Variants in ANP32E observed in about 807,000 individuals in gnomAD.
ANP32E encodes acidic leucine-rich nuclear phosphoprotein 32 family member E.
In ANP32E, 14 loss-of-function variants were observed where a neutral mutation model predicts 35.3. The ratio of observed to expected loss-of-function variants is 0.40; its 90% CI spans 0.26 to 0.62. The LOEUF is 0.62. Among genes scored for constraint, ANP32E ranks in the 20% least tolerant of loss-of-function variants. ANP32E has a pLI of 0.45. For synonymous variants in ANP32E, 89 were observed against 110.4 expected, an observed-to-expected ratio of 0.81 and a Z score of 1.22; for missense variants, 198 against 304.4, an observed-to-expected ratio of 0.65 and a Z score of 2.60.
intron 5 of ANP32E, among the ~76,000 whole-genome samples, chr1:150,226,303 G>C (rs1473593741): frequency 3.9e-5 from 6 of 152,068 alleles, no homozygotes; most frequent in African/African-American, 1.4e-4. Flanking sequence ...CACCATGCCC[G>C]GCCTAATCTG....
intron 2 of ANP32E, 52 bp from the exon 3 acceptor site, chr1:150,230,745 A>AATT: frequency 2.1e-6 from 3 of 1,404,704 alleles, no homozygotes; most frequent in Admixed American, 2.8e-5. Flanking sequence ...ATCATATCAA[A>AATT]CTTTTTTTTT....
Position 150,220,551 on chromosome 1 carries a change from CA to C in ANP32E, c.*139del. ...CTAGTTCTTATTTGGAATGATAAGG[CA>C]AAAATAGTAAAACCACACTTTTCCT... On this transcript the variant is annotated 3_prime_UTR_variant, in exon 7 of 7. Coordinates refer to ENST00000583931, the MANE Select transcript of ANP32E (RefSeq NM_030920.5). 2.5e-6 allele frequency: 2 copies of C among 805,826 alleles called. No individual in the cohort carries two copies. Among genetic ancestry groups the C allele is most frequent in the Non-Finnish European group, 2.0e-6 (1 of 504,340 alleles). The allele number at this position is 805,826 out of a possible 1,614,324, so 49.9% of individuals were successfully genotyped here.
chr1:150,223,104 G>A, intron 6 of ANP32E, 82 bp downstream of exon 6: 2 of 1,410,276 alleles, frequency 1.4e-6, no homozygotes, highest in Non-Finnish European at 9.6e-7. Context: ...ATTCTTTAAA[G>A]TGTATGAAAT....
chr1:150,235,441 A>G lies in ANP32E; in HGVS notation c.54+292T>C, dbSNP rs1471751003. Among the ~76,000 whole-genome samples the G allele has an allele frequency of 6.6e-6, 1 of 152,088 alleles. No homozygotes were observed. Among genetic ancestry groups the G allele is most frequent in the Non-Finnish European group, 1.5e-5 (1 of 67,978 alleles). On this transcript the variant is annotated intron_variant, in intron 1 of 6. Transcript: ENST00000583931. This position sits in a 1 kb window ranked among gnomAD's most constrained non-coding sequence, Gnocchi z 4.2. ...GGGAGCGAAGCGGCGGAGCGCCCCC[A>G]CCAGCCCGCTTCCCGCCCCCACGAG...
In ANP32E at chr1:150,232,473, T is replaced by TTTC. The variant is rs1560005633; in HGVS notation, c.55-548_55-547insGAA. ...TAAGTAATCTTTTAAATTTCTTTTT[T>TTTC]CTTTTTTTTTTTTTGTAGATGGAGT... is the stretch of plus-strand genomic sequence containing the variant. On this transcript the variant is annotated intron_variant, in intron 1 of 6. Coordinates refer to ENST00000583931, the MANE Select transcript of ANP32E (RefSeq NM_030920.5). Among the ~76,000 whole-genome samples, 7 of 17,148 alleles carry TTTC rather than the reference T, an allele frequency of 4.1e-4. 2 individuals carry two copies. The Admixed American group carries it at 9.3e-3, about 23-fold the overall frequency. The allele number at this position is 17,148 out of a possible 152,430, so 11.2% of individuals were successfully genotyped here.
intron 4 of ANP32E, 113 bp downstream of exon 4, chr1:150,228,959 T>A: frequency 1.1e-6 from 1 of 881,382 alleles, no homozygotes; most frequent in Admixed American, 2.6e-5. Flanking sequence ...GTCTTACTAA[T>A]ATCTTGTTGT....
At chr1:150,228,255 C>G (rs1649042000) in intron 4 of ANP32E, among the ~76,000 whole-genome samples, 1 of 151,992 alleles carries the variant, frequency 6.6e-6, no homozygotes, top group African/African-American at 2.4e-5. Context: ...TAAATGAAGT[C>G]AAACAACACA....
chr1:150,231,607 T>G (rs1649354015), intron 2 of ANP32E, among the ~76,000 whole-genome samples, 170 bp downstream of exon 2: 1 of 152,162 alleles, frequency 6.6e-6, no homozygotes, highest in Non-Finnish European at 1.5e-5. Flanking sequence ...ATAAATAAAT[T>G]TATAAAAGCA....
In ANP32E at chr1:150,235,968, G is replaced by A. The variant is rs1176754980; in HGVS notation, c.-182C>T. 6 of 598,148 alleles carry A rather than the reference G, an allele frequency of 1.0e-5. No individual in the cohort carries two copies. In the South Asian group the frequency reaches 1.2e-4, roughly 12 times the overall value. 37.1% of individuals were successfully genotyped at this position (598,148 alleles called of 1,614,324 possible). A position where few individuals can be genotyped will look rare whatever the true frequency, so the allele number is the denominator to read the frequency against. On this transcript the variant is annotated 5_prime_UTR_variant, in exon 1 of 7. Transcript: ENST00000583931. The surrounding 1 kb of genome is among the most constrained non-coding windows in gnomAD (Gnocchi z 4.2). ...AGAGAATAGCAAATGGAGTCCAAGA[G>A]TTGGGACTCTAACTCAGCTGCCCCC... is the stretch of plus-strand genomic sequence containing the variant.
intron 1 of ANP32E, among the ~76,000 whole-genome samples, chr1:150,233,286 A>C (rs1649521168): frequency 7.4e-6 from 1 of 135,370 alleles, no homozygotes; most frequent in South Asian, 2.4e-4. Context: ...AAAAAAAAAA[A>C]AACCTACAAA....
intron 6 of ANP32E, among the ~76,000 whole-genome samples, 193 bp from the exon 7 acceptor site, chr1:150,220,954 T>TA (rs1425560225): frequency 6.6e-6 from 1 of 151,654 alleles, no homozygotes; most frequent in Admixed American, 6.6e-5. Flanking sequence ...CCATCTCTAC[T>TA]AAAAATACAA....
chr1:150,232,630 C>T (rs1184794136), intron 1 of ANP32E, among the ~76,000 whole-genome samples: 1 of 151,564 alleles, frequency 6.6e-6, no homozygotes, highest in African/African-American at 2.4e-5. Context: ...GCCACCACTC[C>T]CGGCTAATTT....
intron 1 of ANP32E, chr1:150,234,724 C>T: frequency 1.0e-6 from 1 of 962,586 alleles, no homozygotes; most frequent in Non-Finnish European, 1.2e-6. Context: ...AAAAACGGGT[C>T]GCCTCCCAAC....
chr1:150,234,197 G>C (rs1226802461), intron 1 of ANP32E, among the ~76,000 whole-genome samples: 1 of 152,140 alleles, frequency 6.6e-6, no homozygotes, highest in Non-Finnish European at 1.5e-5. Flanking sequence ...AAAGAATCCT[G>C]GCGGGGGAGG....
At chr1:150,228,901 C>G (rs1553840824) in intron 4 of ANP32E, among the ~76,000 whole-genome samples, 171 bp downstream of exon 4, 1 of 152,112 alleles carries the variant, frequency 6.6e-6, no homozygotes, top group Non-Finnish European at 1.5e-5. Context: ...TATGGGAAAT[C>G]TGAAAGAAGA....
intron 3 of ANP32E, among the ~76,000 whole-genome samples, chr1:150,229,926 T>C (rs1237971336): frequency 1.3e-5 from 2 of 152,244 alleles, no homozygotes; most frequent in Non-Finnish European, 2.9e-5. Context: ...CATTTCTTTT[T>C]AATTTATGAT....
At chr1:150,234,291 A>AT (rs1649595213) in intron 1 of ANP32E, among the ~76,000 whole-genome samples, 1 of 7,786 alleles carries the variant, frequency 1.3e-4, no homozygotes, top group Non-Finnish European at 2.2e-4. Flanking sequence ...TTAAAGTTTG[A>AT]TTTTGGTTTT....
At chr1:150,232,038 T>C (rs587695504) in intron 1 of ANP32E, 112 bp from the exon 2 acceptor site, 63 of 1,143,100 alleles carry the variant, frequency 5.5e-5, no homozygotes, top group African/African-American at 5.5e-4. Flanking sequence ...TCCAGTTTGA[T>C]TGCCCGTCAG....
intron 4 of ANP32E, among the ~76,000 whole-genome samples, chr1:150,228,473 C>T (rs1356526966): frequency 6.6e-6 from 1 of 152,028 alleles, no homozygotes; most frequent in Admixed American, 6.6e-5. Flanking sequence ...AGGTGGATCA[C>T]GAGGTCAGCA....
Sources: gnomAD v4.1 joint callset for allele counts (sites outside exome capture counted in the v4.1 genomes callset) on GRCh38, gnomAD v4.1.1 for gene constraint, Gnocchi (gnomAD v3.1) non-coding constraint, MANE v1.5 for transcripts, NCBI Gene and HGNC (gene_info 2026-07-23, HGNC 2026-07-21) for gene names.